The following ZNF132 variants were observed in gnomAD, a reference collection of about 807,000 sequenced individuals.
ZNF132 encodes zinc finger protein 132.
Under a neutral mutation model 9.3 loss-of-function variants are expected in ZNF132, and 6 were observed. That is an observed-to-expected ratio of 0.65 (90% CI 0.35 to 1.28). The LOEUF (loss-of-function observed/expected upper bound fraction) is 1.28, where lower values mean the gene tolerates loss of function less well. Among genes scored for constraint, ZNF132 ranks in the 50% most tolerant of loss-of-function variants. The probability of loss-of-function intolerance (pLI) is 0.03; values close to 1 mark genes in which losing one functional copy is unlikely to be tolerated. For synonymous variants in ZNF132, 296 were observed against 292.0 expected (o/e 1.01, Z -0.14); for missense variants, 877 against 843.2 (o/e 1.04, Z -0.50).
At position 58,434,213 on chromosome 19, in the gene ZNF132, A is replaced by T; in HGVS notation, c.1231T>A (p.Ser411Thr). ...ATGAGAGCAGAGCTTCGGCTGAAGG[A>T]TTTACCACATTGACTGCACTCATAA... ...RPYECSQCGK[S>T]FSRSSALIQH... The change falls in exon 3 of 3, where the codon TCC (serine) becomes ACC (threonine). Residue 411 changes from serine (S) to threonine (T), a missense_variant. Transcript: ENST00000254166. The T allele has an allele frequency of 6.2e-7, 1 of 1,613,380 alleles. No individual in the cohort carries two copies. The highest frequency in any genetic ancestry group is 2.2e-5 in the East Asian group (1 of 44,846).
intron 1 of ZNF132, among the ~76,000 whole-genome samples, chr19:58,439,237 C>T (rs757090991): frequency 6.6e-6 from 1 of 152,216 alleles, no homozygotes; most frequent in Non-Finnish European, 1.5e-5. Context: ...CAGCTCCTCA[C>T]TGGCCTTCCT....
Position 58,434,015 on chromosome 19 carries a change from G to A in ZNF132, c.1429C>T (p.His477Tyr), listed in dbSNP as rs751140801. 2.5e-6 allele frequency: 4 copies of A among 1,614,184 alleles called. No individual in the cohort carries two copies. In the South Asian group the frequency reaches 3.3e-5, roughly 13 times the overall value. Residue 477 changes from histidine (H) to tyrosine (Y), a missense_variant, in exon 3 of 3, where the codon CAT (histidine) becomes TAT (tyrosine). By Grantham distance (83) the His-to-Tyr change is moderately conservative. Transcript: ENST00000254166. ...CGTTCTCCAGTGTGAACTTTCTGAT[G>A]TCGAAGGAGATGGGAGCTTTGGCTG... ...DFSQSSHLLR[H>Y]QKVHTGERPF...
In ZNF132 at chr19:58,434,980, G is replaced by T. The variant is rs771880891; in HGVS notation, c.464C>A (p.Ala155Glu). The T allele has an allele frequency of 6.2e-7, 1 of 1,614,172 alleles. No homozygotes were observed. The highest frequency in any genetic ancestry group is 1.7e-5 in the Admixed American group (1 of 60,020). The change falls in exon 3 of 3, where the codon GCA becomes GAA. Residue 155 changes from alanine to glutamate, a missense_variant. Coordinates refer to ENST00000254166, the MANE Select transcript of ZNF132 (RefSeq NM_003433.4). ...GACGRDFWLN[A>E]NLHQHQKEHS... is the part of the protein sequence containing the mutation. ...CTCCTTCTGGTGCTGGTGAAGGTTT[G>T]CATTCAACCAAAAGTCTCTCCCACA...
chr19:58,434,547 G>A lies in ZNF132; in HGVS notation c.897C>T (p.Ala299=), dbSNP rs752704803. The change falls in exon 3 of 3, where the codon GCC becomes GCT. Residue 299 remains alanine (A), a synonymous_variant. Transcript: ENST00000254166. Reference sequence around the variant, plus strand: ...TCCTCAGCTTAGATGAGTGACTAAAGGCCTTCCCACACTCCTTACACACAT... The same window carrying A: ...TCCTCAGCTTAGATGAGTGACTAAAAGCCTTCCCACACTCCTTACACACAT... ...IPHVCKECGK[A]FSHSSKLRKH... is the part of the protein sequence containing the mutation. The A allele has an allele frequency of 2.5e-6, 4 of 1,614,126 alleles. No individual in the cohort carries two copies. The highest frequency in any genetic ancestry group is 3.4e-6 in the Non-Finnish European group (4 of 1,180,022).
rs769795700 is a variant in ZNF132 at position 58,434,874 on chromosome 19, G to A, written c.570C>T (p.Asn190=). The change falls in exon 3 of 3, where the codon AAC becomes AAT. Residue 190 remains asparagine (N), a synonymous_variant. Transcript: ENST00000254166. Reference sequence around the variant, plus strand: ...TCCCACCTTCCCTGCAAGTGAAGGGGTTCTCTGACAGGTGGACTTTAGAGC... The same window carrying A: ...TCCCACCTTCCCTGCAAGTGAAGGGATTCTCTGACAGGTGGACTTTAGAGC... The part of the protein sequence containing the change: ...MKSSKVHLSE[N]PFTCREGGKV... The A allele has an allele frequency of 5.6e-6, 9 of 1,614,100 alleles. No individual in the cohort carries two copies. The highest frequency in any genetic ancestry group is 1.3e-5 in the African/African-American group (1 of 74,930).
chr19:58,439,634 G>A (rs746287962), intron 1 of ZNF132, 125 bp downstream of exon 1: 36 of 1,058,612 alleles, frequency 3.4e-5, no homozygotes, highest in Non-Finnish European at 4.7e-5. Context: ...GCAGGGCCCA[G>A]GACCCACGTG....
Position 58,437,195 on chromosome 19 carries a change from G to A in ZNF132, c.84C>T (p.Gly28=). The A allele has an allele frequency of 6.2e-7, 1 of 1,606,894 alleles. No individual in the cohort carries two copies. The highest frequency in any genetic ancestry group is 1.7e-4 in the Middle Eastern group (1 of 6,016). ...TGCTCTTCAATGTGGGGACAGCTGA[G>A]CCACAGGGCCAAGAAGTATGCTGAC... ...GPAQHTSWPC[G]SAVPTLKSMV... The change falls in exon 2 of 3, where the codon GGC becomes GGT. Residue 28 remains glycine, a synonymous_variant. Coordinates refer to ENST00000254166, the MANE Select transcript of ZNF132 (RefSeq NM_003433.4).
In ZNF132 at chr19:58,434,996, C is replaced by T; in HGVS notation, c.448G>A (p.Asp150Asn). ...TGAAGGTTTGCATTCAACCAAAAGT[C>T]TCTCCCACATGCTCCACATGTGTAG... is the stretch of plus-strand genomic sequence containing the variant. ...KPYTCGACGR[D>N]FWLNANLHQH... The change falls in exon 3 of 3, where the codon GAC becomes AAC. Residue 150 changes from aspartate to asparagine, a missense_variant. Physicochemically the swap from Asp to Asn is conservative, Grantham distance 23. Transcript: ENST00000254166. 6.2e-7 allele frequency: 1 copy of T among 1,614,196 alleles called. No homozygotes were observed. Among genetic ancestry groups the T allele is most frequent in the Non-Finnish European group, 8.5e-7 (1 of 1,180,050 alleles).
At position 58,433,303 on chromosome 19, in the gene ZNF132, C is replaced by G; in HGVS notation, c.*20G>C. 1.3e-6 allele frequency: 2 copies of G among 1,588,382 alleles called. No homozygotes were observed. Among genetic ancestry groups the G allele is most frequent in the Non-Finnish European group, 1.7e-6 (2 of 1,166,294 alleles). ...TTGGCTGAAGATTTTCTCACAAAGA[C>G]CACTTCCATAAGGCTCCACTCAGGT... On this transcript the variant is annotated 3_prime_UTR_variant, in exon 3 of 3. Coordinates refer to ENST00000254166, the MANE Select transcript of ZNF132 (RefSeq NM_003433.4).
rs749716895 is a variant in ZNF132, at chr19:58,437,234, A to G, written c.64-19T>C. ...AAGTATGCTGACAAAGAAACAAACA[A>G]TTGGTCAAATGGAAATATGCAGGAC... On this transcript the variant is annotated intron_variant, in intron 1 of 2. Coordinates refer to ENST00000254166, the MANE Select transcript of ZNF132 (RefSeq NM_003433.4). 11 of 1,570,418 alleles carry G rather than the reference A, an allele frequency of 7.0e-6. No individual in the cohort carries two copies. The highest frequency in any genetic ancestry group is 5.5e-5 in the African/African-American group (4 of 73,348).
intron 2 of ZNF132, 64 bp from the exon 3 acceptor site, chr19:58,435,275 G>T: frequency 6.5e-7 from 1 of 1,537,568 alleles, no homozygotes; most frequent in Non-Finnish European, 8.8e-7. Context: ...GACTTCATTA[G>T]AAATGTTACC....
At chr19:58,437,245 G>A in intron 1 of ZNF132, 30 bp from the exon 2 acceptor site, 1 of 1,563,948 alleles carries the variant, frequency 6.4e-7, no homozygotes, top group Non-Finnish European at 8.6e-7. Flanking sequence ...TTGGTCAAAT[G>A]GAAATATGCA....
rs1192901614 is a variant in ZNF132, at chr19:58,439,989, C to T, written c.-168G>A. The T allele has an allele frequency of 3.0e-6, 2 of 666,974 alleles. No individual in the cohort carries two copies. Among genetic ancestry groups the T allele is most frequent in the Non-Finnish European group, 5.0e-6 (2 of 399,196 alleles). 41.3% of individuals were successfully genotyped at this position (666,974 alleles called of 1,614,324 possible). On this transcript the variant is annotated 5_prime_UTR_variant, in exon 1 of 3. Transcript: ENST00000254166. ...AGACCCTGGAGACGCGTGGCGCTGG[C>T]TCCACTTTCGGGAACACCTTGGCTC...
intron 1 of ZNF132, among the ~76,000 whole-genome samples, chr19:58,439,527 G>A (rs1488152950): frequency 6.6e-6 from 1 of 152,234 alleles, no homozygotes; most frequent in Non-Finnish European, 1.5e-5. Flanking sequence ...CCCTGGGACA[G>A]CCTTCCAGAT....
intron 2 of ZNF132, among the ~76,000 whole-genome samples, chr19:58,435,883 G>T (rs1346771116): frequency 6.6e-6 from 1 of 152,176 alleles, no homozygotes; most frequent in Non-Finnish European, 1.5e-5. Flanking sequence ...CGGATTATAG[G>T]CACCTTGCCC....
Position 58,437,112 on chromosome 19 carries a change from T to G in ZNF132, c.167A>C (p.Asp56Ala). ...YFSQEEWELL[D>A]AAQRHLYHSV... Reference sequence around the variant, plus strand: ...GTGGTACAGGTGCCTCTGGGCTGCATCAAGGAGCTCCCACTCCTCTTGGGA... The same window carrying G: ...GTGGTACAGGTGCCTCTGGGCTGCAGCAAGGAGCTCCCACTCCTCTTGGGA... The change falls in exon 2 of 3, where the codon GAT becomes GCT. Residue 56 changes from aspartate to alanine, a missense_variant. Transcript: ENST00000254166. The G allele has an allele frequency of 6.2e-7, 1 of 1,614,140 alleles. No homozygotes were observed. The highest frequency in any genetic ancestry group is 8.5e-7 in the Non-Finnish European group (1 of 1,180,026).
At chr19:58,435,326 C>G in intron 2 of ZNF132, 115 bp from the exon 3 acceptor site, 1 of 1,184,682 alleles carries the variant, frequency 8.4e-7, no homozygotes, top group Non-Finnish European at 1.2e-6. Context: ...GGATTGCTGA[C>G]AGGCCAACAG....
intron 2 of ZNF132, chr19:58,435,423 G>A: frequency 1.8e-6 from 1 of 547,390 alleles, no homozygotes; most frequent in East Asian, 3.0e-5. Flanking sequence ...CTCACCAGGG[G>A]TAAGGACACA....
intron 1 of ZNF132, 24 bp downstream of exon 1, chr19:58,439,734 AG>A (rs2052791666): frequency 1.3e-6 from 2 of 1,499,680 alleles, no homozygotes; most frequent in Non-Finnish European, 1.8e-6. Flanking sequence ...CCAGCGGGTG[AG>A]GGCCTGGGGC....
Sources: allele counts gnomAD v4.1 joint callset (sites outside exome capture counted in the v4.1 genomes callset), GRCh38; gene constraint gnomAD v4.1.1; transcripts MANE v1.5; gene names NCBI Gene and HGNC (gene_info 2026-07-23, HGNC 2026-07-21).